The following DLC1 variants were observed in gnomAD, a reference collection of about 807,000 sequenced individuals.
DLC1 encodes DLC1 Rho GTPase activating protein, also known as rho GTPase-activating protein 7.
DLC1 carries 54 observed loss-of-function variants against 140.3 expected under a neutral mutation model. That is an observed-to-expected ratio of 0.38 (90% confidence interval 0.31 to 0.48). The LOEUF (loss-of-function observed/expected upper bound fraction) is 0.48. Among genes scored for constraint, DLC1 ranks in the 20% least tolerant of loss-of-function variants. The pLI, the probability that DLC1 is intolerant of heterozygous loss-of-function variation, is 0.96. For missense variants in DLC1, 2,536 were observed against 1,907.0 expected (o/e 1.33, Z -6.14); for synonymous variants, 986 against 728.1 (o/e 1.35, Z -5.70).
Position 13,493,180 on chromosome 8 carries a change from A to G in DLC1, c.1023+5869T>C, listed in dbSNP as rs1563395014. 2.6e-5 allele frequency among the ~76,000 whole-genome samples: 4 copies of G among 152,352 alleles called. No homozygotes were observed. In the South Asian group the frequency reaches 8.3e-4, roughly 32 times the overall value. ...TCAACAGGCCTGTGTCATTAAAACC[A>G]GTGCAAGCTTAGTGTAAAATAATAC... On this transcript the variant is annotated intron_variant, in intron 2 of 17. Transcript: ENST00000276297.
At chr8:13,356,680 C>A (rs1390589401) in intron 4 of DLC1, among the ~76,000 whole-genome samples, 1 of 152,162 alleles carries the variant, frequency 6.6e-6, no homozygotes, top group African/African-American at 2.4e-5. Context: ...TTGGCCTCCA[C>A]TGTTGCTAGC....
In DLC1 at chr8:13,453,421, TA is replaced by T. The variant is rs1563359752; in HGVS notation, c.1023+45627del. 9.3e-4 allele frequency among the ~76,000 whole-genome samples: 38 copies of T among 40,656 alleles called. 3 individuals carry two copies. The highest frequency in any genetic ancestry group is 6.1e-3 in the East Asian group (8 of 1,310). The allele number at this position is 40,656 out of a possible 152,430, so 26.7% of individuals were successfully genotyped here. A position where few individuals can be genotyped will look rare whatever the true frequency, so the allele number is the denominator to read the frequency against. On this transcript the variant is annotated intron_variant, in intron 2 of 17. Transcript: ENST00000276297. The stretch of plus-strand genomic sequence containing the variant: ...ATATATGTGTATATATATATATATA[TA>T]TGTGTATATATATATGTATATATAT...
intron 5 of DLC1, among the ~76,000 whole-genome samples, chr8:13,291,394 C>T (rs1284503772): frequency 6.6e-6 from 1 of 152,164 alleles, no homozygotes; most frequent in Non-Finnish European, 1.5e-5. Flanking sequence ...TACTGTGATA[C>T]TAATATGTAA....
At chr8:13,350,364 C>G (rs2117026786) in intron 4 of DLC1, among the ~76,000 whole-genome samples, 1 of 151,608 alleles carries the variant, frequency 6.6e-6, no homozygotes, top group African/African-American at 2.4e-5. Flanking sequence ...TGTATTTGCT[C>G]TATCTCTTTT....
At chr8:13,529,606 A>T (rs1803032233) in intron 1 of DLC1, among the ~76,000 whole-genome samples, 1 of 152,216 alleles carries the variant, frequency 6.6e-6, no homozygotes, top group African/African-American at 2.4e-5. Flanking sequence ...AGAGAATTTC[A>T]ACAGTTGTAT....
At chr8:13,469,147 G>C (rs978370066) in intron 2 of DLC1, among the ~76,000 whole-genome samples, 2 of 151,978 alleles carry the variant, frequency 1.3e-5, no homozygotes, top group Admixed American at 1.3e-4. Flanking sequence ...CCAGATTTTT[G>C]CTTGTATCTT....
intron 5 of DLC1, among the ~76,000 whole-genome samples, chr8:13,143,788 G>A (rs988008881): frequency 2.4e-4 from 36 of 147,324 alleles, no homozygotes; most frequent in African/African-American, 8.6e-4. Flanking sequence ...CTGAGGCCCT[G>A]ATGTTGAAAG....
At chr8:13,410,799 A>G (rs1028973229) in intron 2 of DLC1, among the ~76,000 whole-genome samples, 6 of 152,190 alleles carry the variant, frequency 3.9e-5, no homozygotes, top group African/African-American at 1.4e-4. Context: ...CGTCAGCCCC[A>G]CAAGGGTAAT....
intron 1 of DLC1, among the ~76,000 whole-genome samples, chr8:13,576,145 C>A (rs959559301): frequency 1.3e-5 from 2 of 152,188 alleles, no homozygotes; most frequent in African/African-American, 4.8e-5. Flanking sequence ...GGATGAAAAG[C>A]AGCACCTCCT....
At chr8:13,158,115 G>T (rs1377718444) in intron 5 of DLC1, among the ~76,000 whole-genome samples, 4 of 152,044 alleles carry the variant, frequency 2.6e-5, no homozygotes, top group Admixed American at 6.6e-5. Flanking sequence ...ATGTCAAGAG[G>T]TCACATTTTT....
intron 5 of DLC1, among the ~76,000 whole-genome samples, chr8:13,227,309 G>A (rs2117183554): frequency 6.6e-6 from 1 of 152,292 alleles, no homozygotes; most frequent in Admixed American, 6.5e-5. Context: ...TTAGGTGCCA[G>A]GTGCTCATAT....
chr8:13,291,108 C>T (rs1357757264), intron 5 of DLC1, among the ~76,000 whole-genome samples: 1 of 152,128 alleles, frequency 6.6e-6, no homozygotes. Flanking sequence ...AGGGTTTCAC[C>T]ATGTGGGCCA....
intron 2 of DLC1, among the ~76,000 whole-genome samples, chr8:13,451,534 C>G (rs1799058787): frequency 6.6e-6 from 1 of 152,172 alleles, no homozygotes; most frequent in Admixed American, 6.5e-5. Flanking sequence ...TTCCCAGCCT[C>G]TGGTAACCAG....
At chr8:13,506,579 G>C (rs796653407) in intron 1 of DLC1, among the ~76,000 whole-genome samples, 513 of 6,506 alleles carry the variant, frequency 0.079, 4 homozygotes, top group Non-Finnish European at 0.15. Context: ...GTGTGTGTGT[G>C]TGTATATATA....
intron 2 of DLC1, among the ~76,000 whole-genome samples, chr8:13,491,094 T>G (rs1801217677): frequency 6.8e-6 from 1 of 147,770 alleles, no homozygotes; most frequent in African/African-American, 2.5e-5. Flanking sequence ...ATATTCAAAT[T>G]TAATATTTTT....
Position 13,094,962 on chromosome 8 carries a change from C to A in DLC1, c.3328-5G>T, listed in dbSNP as rs756391357. On this transcript the variant is annotated splice_polypyrimidine_tract_variant and splice_region_variant and intron_variant, in intron 11 of 17. Coordinates refer to ENST00000276297, the MANE Select transcript of DLC1 (RefSeq NM_182643.3). ...CGATTTTCTGAAGAGCCCAACCTGT[C>A]GGAAGAGCAACACTAAGTGTGGGGT... The A allele has an allele frequency of 6.2e-7, 1 of 1,614,084 alleles. No homozygotes were observed. Among genetic ancestry groups the A allele is most frequent in the Non-Finnish European group, 8.5e-7 (1 of 1,179,968 alleles).
At chr8:13,225,098 G>C (rs548250952) in intron 5 of DLC1, among the ~76,000 whole-genome samples, 1 of 152,148 alleles carries the variant, frequency 6.6e-6, no homozygotes, top group African/African-American at 2.4e-5. Context: ...TGTTTGATAG[G>C]GCAGAAATGT....
chr8:13,358,749 T>A (rs1563282129), intron 4 of DLC1, among the ~76,000 whole-genome samples: 1 of 151,688 alleles, frequency 6.6e-6, no homozygotes, highest in Non-Finnish European at 1.5e-5. Flanking sequence ...GTAGAAAAAA[T>A]TGTCCTGTTA....
intron 2 of DLC1, among the ~76,000 whole-genome samples, chr8:13,403,703 C>T (rs1236292860): frequency 6.6e-6 from 1 of 151,458 alleles, no homozygotes; most frequent in Admixed American, 6.6e-5. Context: ...TGCAGTGGCA[C>T]GATGTTGGCT....
Sources: allele counts gnomAD v4.1 joint callset (sites outside exome capture counted in the v4.1 genomes callset), GRCh38; gene constraint gnomAD v4.1.1; transcripts MANE v1.5; gene names NCBI Gene and HGNC (gene_info 2026-07-23, HGNC 2026-07-21).